The following NALF1 variants were observed in gnomAD, a reference collection of about 807,000 sequenced individuals.
NALF1 encodes family with sequence similarity 155 member A.
In NALF1, 3 loss-of-function variants were observed where a neutral mutation model predicts 48.4. The ratio of observed to expected loss-of-function variants is 0.06; its 90% CI spans 0.03 to 0.16. NALF1 has a LOEUF of 0.16. NALF1 is among the 10% of genes least tolerant of loss of function. The pLI is 1.00. For synonymous variants in NALF1, 262 were observed against 245.7 expected, an observed-to-expected ratio of 1.07 and a Z score of -0.62; for missense variants, 526 against 571.5, an observed-to-expected ratio of 0.92 and a Z score of 0.81.
intron 1 of NALF1, among the ~76,000 whole-genome samples, chr13:107,303,410 C>T (rs1277176289): frequency 6.6e-6 from 1 of 152,088 alleles, no homozygotes; most frequent in African/African-American, 2.4e-5. Context: ...TATATTTCAG[C>T]CTAAATTGTA....
chr13:107,783,433 A>G (rs9520582), intron 1 of NALF1, among the ~76,000 whole-genome samples: 39,798 of 151,888 alleles, frequency 0.26, 5,538 homozygotes, highest in East Asian at 0.56. Flanking sequence ...GGGGAAAGGC[A>G]GGGAAAGGAT....
At chr13:107,851,805 C>CT (rs34999908) in intron 1 of NALF1, among the ~76,000 whole-genome samples, 40,088 of 105,586 alleles carry the variant, frequency 0.38, 9,386 homozygotes, top group Non-Finnish European at 0.51. Flanking sequence ...CAGGCCCTTT[C>CT]TTTTTTTTTT....
At chr13:107,808,443 G>T (rs1878876466) in intron 1 of NALF1, among the ~76,000 whole-genome samples, 1 of 151,858 alleles carries the variant, frequency 6.6e-6, no homozygotes, top group South Asian at 2.1e-4. Flanking sequence ...TCCTACTTTT[G>T]GCTTATTAAA....
chr13:107,537,824 C>T (rs1876878963), intron 1 of NALF1, among the ~76,000 whole-genome samples: 1 of 152,018 alleles, frequency 6.6e-6, no homozygotes, highest in Non-Finnish European at 1.5e-5. Flanking sequence ...TCAAGACCAG[C>T]CTGGCCAACA....
chr13:107,304,938 T>C (rs931497131), intron 1 of NALF1, among the ~76,000 whole-genome samples: 1 of 152,038 alleles, frequency 6.6e-6, no homozygotes, highest in Non-Finnish European at 1.5e-5. Context: ...GAGGTCTTAT[T>C]GGAGTCTTTT....
At chr13:107,296,743 T>C (rs148609832) in intron 1 of NALF1, among the ~76,000 whole-genome samples, 15 of 152,230 alleles carry the variant, frequency 9.9e-5, no homozygotes, top group Admixed American at 9.2e-4. Flanking sequence ...ATGGTCTCTG[T>C]AGCAGGAGAG....
intron 2 of NALF1, among the ~76,000 whole-genome samples, chr13:107,188,179 T>C (rs1379784353): frequency 6.6e-6 from 1 of 152,210 alleles, no homozygotes; most frequent in East Asian, 1.9e-4. Context: ...TCTTTGAAGT[T>C]AGTATGTTGA....
intron 1 of NALF1, among the ~76,000 whole-genome samples, chr13:107,753,675 A>G (rs1451654041): frequency 6.6e-6 from 1 of 152,166 alleles, no homozygotes; most frequent in Non-Finnish European, 1.5e-5. Flanking sequence ...GATTTTATGC[A>G]ATTTTCCTCT....
intron 1 of NALF1, among the ~76,000 whole-genome samples, chr13:107,534,681 C>G (rs1487484100): frequency 6.6e-6 from 1 of 152,146 alleles, no homozygotes; most frequent in Non-Finnish European, 1.5e-5. Flanking sequence ...GCATCTCTCT[C>G]AGGGATCTGG....
chr13:107,315,512 T>C (rs780118717), intron 1 of NALF1, among the ~76,000 whole-genome samples: 2 of 152,144 alleles, frequency 1.3e-5, no homozygotes, highest in Admixed American at 6.6e-5. Flanking sequence ...TGTCATAAAA[T>C]GTAAAATACA....
At chr13:107,743,635 A>G (rs1222456253) in intron 1 of NALF1, among the ~76,000 whole-genome samples, 2 of 152,224 alleles carry the variant, frequency 1.3e-5, no homozygotes, top group Non-Finnish European at 2.9e-5. Context: ...AAGCTGAGAG[A>G]GAAGATTTGA....
At chr13:107,719,895 T>C (rs905099251) in intron 1 of NALF1, among the ~76,000 whole-genome samples, 2 of 152,146 alleles carry the variant, frequency 1.3e-5, no homozygotes, top group African/African-American at 4.8e-5. Flanking sequence ...CATGGCTGAT[T>C]TTCCTGAAGA....
chr13:107,694,344 T>G (rs1881648050), intron 1 of NALF1, among the ~76,000 whole-genome samples: 1 of 152,158 alleles, frequency 6.6e-6, no homozygotes. Context: ...ATTGTTTTGA[T>G]TCGACAATTT....
At chr13:107,725,342 T>C (rs1876116956) in intron 1 of NALF1, among the ~76,000 whole-genome samples, 1 of 152,194 alleles carries the variant, frequency 6.6e-6, no homozygotes, top group Non-Finnish European at 1.5e-5. Flanking sequence ...ATATCTATGA[T>C]GTGCTGTGAA....
chr13:107,480,208 G>A (rs1401496313), intron 1 of NALF1, among the ~76,000 whole-genome samples: 29 of 152,100 alleles, frequency 1.9e-4, no homozygotes, highest in Admixed American at 1.9e-3. Flanking sequence ...GGCCAGATGA[G>A]GGCCTCCAGT....
At chr13:107,491,513 GC>G (rs1263180207) in intron 1 of NALF1, among the ~76,000 whole-genome samples, 1 of 152,134 alleles carries the variant, frequency 6.6e-6, no homozygotes, top group East Asian at 1.9e-4. Context: ...CCCTGATCCA[GC>G]TCCCCAGAGG....
intron 1 of NALF1, among the ~76,000 whole-genome samples, chr13:107,405,641 T>C (rs1487969612): frequency 6.6e-6 from 1 of 152,020 alleles, no homozygotes; most frequent in African/African-American, 2.4e-5. Context: ...TTTTAAAAGA[T>C]CATCTTATAA....
intron 2 of NALF1, among the ~76,000 whole-genome samples, chr13:107,196,517 A>G (rs1012544411): frequency 2.0e-5 from 3 of 152,244 alleles, no homozygotes; most frequent in African/African-American, 7.2e-5. Context: ...GCCTTAAAAA[A>G]GGTAGAGATC....
chr13:107,736,223 ACGCGCG>A (rs57922203), intron 1 of NALF1, among the ~76,000 whole-genome samples: 9 of 56,558 alleles, frequency 1.6e-4, no homozygotes, highest in Middle Eastern at 0.019. Context: ...ACACACACAC[ACGCGCG>A]CGTGTACCTA....
Sources: gnomAD v4.1 joint callset for allele counts (sites outside exome capture counted in the v4.1 genomes callset) on GRCh38, gnomAD v4.1.1 for gene constraint, MANE v1.5 for transcripts, NCBI Gene and HGNC (gene_info 2026-07-23, HGNC 2026-07-21) for gene names.